Variants in FER observed in about 807,000 individuals in gnomAD.
FER encodes the protein tyrosine-protein kinase Fer.
In FER, 63 loss-of-function variants were observed where a neutral mutation model predicts 111.0. The observed-to-expected ratio is 0.57, with a 90% CI of 0.46 to 0.70. The LOEUF is 0.70. FER is among the 30% of genes least tolerant of loss of function. The probability of loss-of-function intolerance (pLI) is 0.00; values close to 1 mark genes in which losing one functional copy is unlikely to be tolerated. For synonymous variants in FER, 327 were observed against 313.9 expected (o/e 1.04, Z -0.44); for missense variants, 914 against 954.0 (o/e 0.96, Z 0.55).
chr5:109,069,378 A>C (rs1775505489), intron 16 of FER, among the ~76,000 whole-genome samples: 1 of 152,222 alleles, frequency 6.6e-6, no homozygotes, highest in South Asian at 2.1e-4. Flanking sequence ...ATGGATAGTT[A>C]GTAGGTGGCT....
chr5:108,992,371 G>T (rs1246851999), intron 13 of FER, among the ~76,000 whole-genome samples: 1 of 152,134 alleles, frequency 6.6e-6, no homozygotes, highest in Non-Finnish European at 1.5e-5. Flanking sequence ...ATCATGGCCC[G>T]TTCTCAATGA....
intron 5 of FER, among the ~76,000 whole-genome samples, chr5:108,848,936 A>AT (rs200641964): frequency 0.013 from 1,913 of 151,552 alleles, 35 homozygotes; most frequent in African/African-American, 0.043. Context: ...GGAGTATAGA[A>AT]TTTTTTTTTA....
chr5:109,157,750 A>C (rs1037411794), intron 17 of FER, among the ~76,000 whole-genome samples: 14 of 152,116 alleles, frequency 9.2e-5, no homozygotes, highest in Admixed American at 8.5e-4. Flanking sequence ...TCAAAGTTTA[A>C]GTGGCATTTG....
rs577028674 is a variant in FER, at chr5:108,918,779, G to A, written c.1236+20931G>A. Among the ~76,000 whole-genome samples, 14 of 151,700 alleles carry A rather than the reference G, an allele frequency of 9.2e-5. No individual in the cohort carries two copies. In the South Asian group the frequency reaches 2.3e-3, roughly 25 times the overall value. On this transcript the variant is annotated intron_variant, in intron 10 of 19. Coordinates refer to ENST00000281092, the MANE Select transcript of FER (RefSeq NM_005246.4). ...TGGGATTACAGGCGTGAGCCACCGC[G>A]CCCCGCCTTGGACTGGGTGTGTTTT...
intron 3 of FER, among the ~76,000 whole-genome samples, chr5:108,816,767 A>C (rs530316299): frequency 4.5e-4 from 69 of 152,254 alleles, no homozygotes; most frequent in African/African-American, 1.6e-3. Flanking sequence ...GTTAAATAAG[A>C]ATCTATGGCC....
intron 16 of FER, among the ~76,000 whole-genome samples, chr5:109,069,427 A>G (rs541022505): frequency 5.9e-5 from 9 of 152,316 alleles, no homozygotes; most frequent in African/African-American, 2.2e-4. Flanking sequence ...AAAAACTGTC[A>G]GAGATGGATA....
At chr5:108,974,191 A>G (rs1761034982) in intron 13 of FER, among the ~76,000 whole-genome samples, 1 of 152,332 alleles carries the variant, frequency 6.6e-6, no homozygotes, top group Non-Finnish European at 1.5e-5. Flanking sequence ...TTGCCTCAAA[A>G]GAAATTAAGA....
chr5:108,970,272 G>A (rs1760459490), intron 13 of FER, among the ~76,000 whole-genome samples: 1 of 151,608 alleles, frequency 6.6e-6, no homozygotes, highest in Non-Finnish European at 1.5e-5. Flanking sequence ...CTGGAGTGCA[G>A]TGGCGCAATC....
chr5:109,021,570 T>G (rs1767927560), intron 13 of FER, among the ~76,000 whole-genome samples: 1 of 152,108 alleles, frequency 6.6e-6, no homozygotes, highest in Non-Finnish European at 1.5e-5. Context: ...AATTTTTTCT[T>G]AGCTACTAGC....
chr5:108,966,876 T>C (rs1561690591), intron 13 of FER, among the ~76,000 whole-genome samples: 2 of 152,064 alleles, frequency 1.3e-5, no homozygotes, highest in African/African-American at 4.8e-5. Flanking sequence ...CACAGTAACA[T>C]TGAACAAACA....
chr5:108,901,465 G>A (rs1405440031), intron 10 of FER, among the ~76,000 whole-genome samples: 1 of 152,054 alleles, frequency 6.6e-6, no homozygotes, highest in South Asian at 2.1e-4. Context: ...GGTGATTATG[G>A]CATAATAGGT....
At chr5:108,848,249 G>A (rs1377209774) in intron 5 of FER, among the ~76,000 whole-genome samples, 1 of 152,116 alleles carries the variant, frequency 6.6e-6, no homozygotes, top group African/African-American at 2.4e-5. Context: ...CTTGTAAACA[G>A]CATATAGTTA....
intron 13 of FER, among the ~76,000 whole-genome samples, chr5:108,998,144 G>T (rs771332943): frequency 6.7e-6 from 1 of 149,054 alleles, no homozygotes. Flanking sequence ...GGGGATGAAC[G>T]GTTCTGTCTT....
chr5:109,060,800 C>T (rs1346343789), intron 16 of FER, among the ~76,000 whole-genome samples: 4 of 149,172 alleles, frequency 2.7e-5, no homozygotes, highest in Non-Finnish European at 6.0e-5. Context: ...ACACCAAACA[C>T]ACATATGTAA....
intron 17 of FER, among the ~76,000 whole-genome samples, chr5:109,118,452 T>C (rs570696418): frequency 2.6e-4 from 40 of 152,296 alleles, no homozygotes; most frequent in African/African-American, 9.1e-4. Context: ...ATCATGGATA[T>C]TGGTCTAAAA....
intron 6 of FER, among the ~76,000 whole-genome samples, chr5:108,869,610 A>G (rs1764413309): frequency 6.6e-6 from 1 of 152,084 alleles, no homozygotes; most frequent in Non-Finnish European, 1.5e-5. Context: ...GCAGAGATTG[A>G]CATCGTTTTC....
At chr5:108,947,339 T>G (rs1377337397) in intron 11 of FER, among the ~76,000 whole-genome samples, 1 of 152,060 alleles carries the variant, frequency 6.6e-6, no homozygotes, top group Non-Finnish European at 1.5e-5. Flanking sequence ...TTTTGATTTC[T>G]CCACATTCTT....
At chr5:108,792,717 CT>C (rs1467590396) in intron 2 of FER, among the ~76,000 whole-genome samples, 2 of 149,356 alleles carry the variant, frequency 1.3e-5, no homozygotes, top group African/African-American at 2.5e-5. Context: ...GTATTTTATT[CT>C]TTTTTGGTGC....
chr5:109,055,463 T>C (rs919968959), intron 16 of FER, among the ~76,000 whole-genome samples: 1 of 151,946 alleles, frequency 6.6e-6, no homozygotes, highest in African/African-American at 2.4e-5. Context: ...TACAACTCAA[T>C]AGTAGAAAAG....
Sources: allele counts gnomAD v4.1 joint callset (sites outside exome capture counted in the v4.1 genomes callset), GRCh38; gene constraint gnomAD v4.1.1; transcripts MANE v1.5; gene names NCBI Gene and HGNC (gene_info 2026-07-23, HGNC 2026-07-21).